FRY: variants seen among roughly 807,000 people sequenced by gnomAD.
The protein encoded by FRY is FRY microtubule binding protein.
A neutral mutation model predicts 348.4 loss-of-function variants in FRY; 128 were observed. The observed-to-expected ratio is 0.37, with a 90% CI of 0.32 to 0.43. The LOEUF is 0.43. FRY is among the 20% of genes least tolerant of loss of function. The pLI is 1.00. For synonymous variants in FRY, 1,370 were observed against 1,374.7 expected (o/e 1.00, Z 0.08); for missense variants, 2,736 against 3,695.2 (o/e 0.74, Z 6.73).
At chr13:32,116,503 A>G (rs115340044) in intron 3 of FRY, among the ~76,000 whole-genome samples, 5,254 of 152,304 alleles carry the variant, frequency 0.034, 94 homozygotes, top group African/African-American at 0.049. Flanking sequence ...ATTTTATCAT[A>G]GACTTTGCTT....
chr13:32,077,410 G>T (rs2138522496), intron 1 of FRY, among the ~76,000 whole-genome samples: 1 of 152,264 alleles, frequency 6.6e-6, no homozygotes, highest in Non-Finnish European at 1.5e-5. Context: ...GGAATGGAAA[G>T]GAAACGAGAT....
chr13:32,254,453 A>G (rs1887236688), intron 51 of FRY, 59 bp downstream of exon 51: 8 of 1,418,456 alleles, frequency 5.6e-6, no homozygotes, highest in East Asian at 2.3e-5. Flanking sequence ...TAATGAAACT[A>G]TTCTTTTTAC....
intron 35 of FRY, among the ~76,000 whole-genome samples, 189 bp downstream of exon 35, chr13:32,212,571 C>G (rs1884747896): frequency 6.6e-6 from 1 of 152,124 alleles, no homozygotes; most frequent in African/African-American, 2.4e-5. Flanking sequence ...TATTTCTGTG[C>G]AAAGTCAGAG....
intron 1 of FRY, among the ~76,000 whole-genome samples, chr13:32,041,491 AC>A (rs1290658281): frequency 6.6e-6 from 1 of 151,876 alleles, no homozygotes; most frequent in Non-Finnish European, 1.5e-5. Flanking sequence ...ACGGGGTTTC[AC>A]CATGTTGGCC....
chr13:32,175,570 G>A lies in FRY; in HGVS notation c.2359G>A (p.Val787Ile), dbSNP rs776517138. 3.1e-6 allele frequency: 5 copies of A among 1,611,902 alleles called. No individual in the cohort carries two copies. In the South Asian group the frequency reaches 5.5e-5, roughly 18 times the overall value. ...PEDDDRPMID[V>I]MDQLSSSILE... ...GGATGACGACAGGCCGATGATTGAT[G>A]TCATGGATCAGCTAAGTTCTTCCAT... The change falls in exon 20 of 61, where the codon GTC (valine) becomes ATC (isoleucine). Residue 787 changes from valine to isoleucine, a missense_variant. By Grantham distance (29) the Val-to-Ile change is conservative (BLOSUM62 3). Transcript: ENST00000542859.
chr13:32,096,915 T>C (rs1169378428), intron 2 of FRY, among the ~76,000 whole-genome samples: 3 of 150,524 alleles, frequency 2.0e-5, no homozygotes, highest in African/African-American at 7.3e-5. Flanking sequence ...TCTTAGCTAA[T>C]GGACTTGACT....
chr13:32,253,226 G>A (rs554677041), intron 50 of FRY, among the ~76,000 whole-genome samples: 1 of 152,294 alleles, frequency 6.6e-6, no homozygotes, highest in South Asian at 2.1e-4. Context: ...TTTATCTCAT[G>A]TACCCATTTG....
intron 21 of FRY, 48 bp from the exon 22 acceptor site, chr13:32,178,796 A>T: frequency 8.0e-7 from 1 of 1,256,348 alleles, no homozygotes; most frequent in Non-Finnish European, 1.2e-6. Context: ...AGTGATATTT[A>T]AAATCCAGAA....
At chr13:32,049,369 C>A (rs1873197270) in intron 1 of FRY, among the ~76,000 whole-genome samples, 1 of 152,206 alleles carries the variant, frequency 6.6e-6, no homozygotes, top group Non-Finnish European at 1.5e-5. Flanking sequence ...GGTCAGATGA[C>A]AGGGAGCATG....
chr13:32,228,041 C>T (rs75959444), intron 39 of FRY, among the ~76,000 whole-genome samples: 14 of 152,302 alleles, frequency 9.2e-5, no homozygotes, highest in South Asian at 8.3e-4. Flanking sequence ...TGAGCCACCG[C>T]GCCCAGCCCG....
chr13:32,121,612 C>T (rs532486119), intron 4 of FRY, among the ~76,000 whole-genome samples: 1 of 152,174 alleles, frequency 6.6e-6, no homozygotes, highest in Non-Finnish European at 1.5e-5. Context: ...GACCTTAGCC[C>T]ACTTTTTGGT....
At chr13:32,265,375 G>T in intron 53 of FRY, 75 bp from the exon 54 acceptor site, 2 of 1,383,462 alleles carry the variant, frequency 1.4e-6, no homozygotes, top group Non-Finnish European at 2.0e-6. Context: ...TCTCTTATTT[G>T]TTCCTTAGTT....
At chr13:32,201,506 T>C (rs551529091) in intron 29 of FRY, among the ~76,000 whole-genome samples, 24 of 152,360 alleles carry the variant, frequency 1.6e-4, no homozygotes, top group African/African-American at 5.1e-4. Flanking sequence ...TTGTTCCTGA[T>C]AGTTGTTTGG....
intron 58 of FRY, among the ~76,000 whole-genome samples, chr13:32,286,361 TA>T (rs925908428): frequency 6.6e-5 from 10 of 151,208 alleles, no homozygotes; most frequent in Admixed American, 2.0e-4. Flanking sequence ...CAATTTGATT[TA>T]AAAAAAAATA....
Position 32,237,591 on chromosome 13 carries a change from C to A in FRY, c.6023C>A (p.Ala2008Asp), listed in dbSNP as rs373204488. The stretch of plus-strand genomic sequence containing the variant: ...AGTGCCACACTGGACAGAATTCAGG[C>A]TTGTACCCAACAAGGCCTCTCCTCA... ...PRSATLDRIQ[A>D]CTQQGLSSKT... The change falls in exon 44 of 61, where the codon GCT (alanine) becomes GAT (aspartate). Residue 2008 changes from alanine to aspartate, a missense_variant. Ala to Asp is a moderately radical substitution (Grantham distance 126). This residue lies in a region of FRY where 789 missense variants were observed against 996.2 expected (regional missense o/e 0.79). Transcript: ENST00000542859. This position sits in a 1 kb window ranked among gnomAD's most constrained non-coding sequence, Gnocchi z 6.3. The A allele has an allele frequency of 6.2e-7, 1 of 1,613,994 alleles. No individual in the cohort carries two copies. Among genetic ancestry groups the A allele is most frequent in the Non-Finnish European group, 8.5e-7 (1 of 1,180,006 alleles).
At chr13:32,145,678 GGGACTACA>G (rs1405177591) in intron 11 of FRY, among the ~76,000 whole-genome samples, 1 of 151,208 alleles carries the variant, frequency 6.6e-6, no homozygotes, top group Non-Finnish European at 1.5e-5. Context: ...CCGAGTAGCT[GGGACTACA>G]GGCGCCCGCC....
At chr13:32,032,081 A>G (rs562395793) in intron 1 of FRY, among the ~76,000 whole-genome samples, 2 of 148,484 alleles carry the variant, frequency 1.3e-5, no homozygotes, top group East Asian at 3.9e-4. Flanking sequence ...TCAAAATGTC[A>G]GAGACTGAAC....
chr13:32,047,116 T>C lies in FRY; in HGVS notation c.70+15251T>C, dbSNP rs144097511. ...CTTTAAATAAATATGTTTATCTATA[T>C]ATACCTACTCCTAGAGCCATAACAA... On this transcript the variant is annotated intron_variant, in intron 1 of 60. Transcript: ENST00000542859. Among the ~76,000 whole-genome samples, 284 of 152,388 alleles carry C rather than the reference T, an allele frequency of 1.9e-3. 1 individual carries two copies. The highest frequency in any genetic ancestry group is 0.013 in the South Asian group (62 of 4,830).
chr13:32,136,888 G>C lies in FRY; in HGVS notation c.1095G>C (p.Val365=). 1 of 1,601,544 alleles carries C rather than the reference G, an allele frequency of 6.2e-7. No individual in the cohort carries two copies. The highest frequency in any genetic ancestry group is 1.1e-5 in the South Asian group (1 of 90,880). The change falls in exon 11 of 61, where the codon GTG becomes GTC. Residue 365 remains valine (V), a synonymous_variant. Coordinates refer to ENST00000542859, the MANE Select transcript of FRY (RefSeq NM_023037.3). ...CTCCTCAGGCCTTGTACCCCCTGGT[G>C]ACCTGTTTGCTCTGTGTCAGTCAGA... The part of the protein sequence containing the change: ...KKHSLALYPL[V]TCLLCVSQKQ...
Sources: allele counts gnomAD v4.1 joint callset (sites outside exome capture counted in the v4.1 genomes callset), GRCh38; gene constraint gnomAD v4.1.1; regional missense constraint gnomAD v4.1.1; non-coding constraint Gnocchi (gnomAD v3.1); transcripts MANE v1.5; gene names NCBI Gene and HGNC (gene_info 2026-07-23, HGNC 2026-07-21).